MDGA2: variants seen among roughly 807,000 people sequenced by gnomAD.
MDGA2 encodes the protein MAM domain containing glycosylphosphatidylinositol anchor 2.
A neutral mutation model predicts 117.8 loss-of-function variants in MDGA2; 40 were observed. That is an observed-to-expected ratio of 0.34 (90% confidence interval 0.26 to 0.44). The LOEUF (loss-of-function observed/expected upper bound fraction) is 0.44, where lower values mean the gene tolerates loss of function less well. MDGA2 is among the 20% of genes least tolerant of loss of function. The pLI is 1.00. For missense variants in MDGA2, 1,123 were observed against 1,250.6 expected (o/e 0.90, Z 1.54); for synonymous variants, 452 against 439.0 (o/e 1.03, Z -0.37).
Position 46,884,534 on chromosome 14 carries a change from C to G in MDGA2, c.2239-2313G>C, listed in dbSNP as rs900551693. ...GTTAGTCCTAATTATACAGTCTTGA[C>G]TGCTACATTTCTGGAAATAAAAACT... On this transcript the variant is annotated intron_variant, in intron 10 of 16. Transcript: ENST00000399232. The surrounding 1 kb of genome is among the most constrained non-coding windows in gnomAD (Gnocchi z 4.1). Among the ~76,000 whole-genome samples the G allele has an allele frequency of 3.9e-5, 6 of 152,084 alleles. No homozygotes were observed. Among genetic ancestry groups the G allele is most frequent in the African/African-American group, 1.4e-4 (6 of 41,432 alleles).
intron 8 of MDGA2, among the ~76,000 whole-genome samples, chr14:47,023,181 G>T (rs182497189): frequency 8.3e-6 from 1 of 121,208 alleles, no homozygotes; most frequent in African/African-American, 3.2e-5. Context: ...AATTGCAACC[G>T]AAAGTATTCC....
chr14:47,139,973 A>T (rs138439871), intron 4 of MDGA2, among the ~76,000 whole-genome samples: 9 of 151,444 alleles, frequency 5.9e-5, no homozygotes, highest in African/African-American at 1.9e-4. Context: ...GTAAACAGGG[A>T]AAGAGTAACC....
intron 1 of MDGA2, among the ~76,000 whole-genome samples, chr14:47,640,549 T>C (rs1003269901): frequency 2.0e-5 from 3 of 152,130 alleles, no homozygotes; most frequent in African/African-American, 7.2e-5. Context: ...AGAATGCATA[T>C]AAATCAAATT....
At chr14:47,052,611 C>A (rs1382514607) in intron 7 of MDGA2, among the ~76,000 whole-genome samples, 1 of 151,742 alleles carries the variant, frequency 6.6e-6, no homozygotes, top group Admixed American at 6.6e-5. Flanking sequence ...ATATTTATGT[C>A]CCTCAAAATA....
chr14:47,151,862 A>G (rs1456022860), intron 3 of MDGA2, among the ~76,000 whole-genome samples: 4 of 151,902 alleles, frequency 2.6e-5, no homozygotes. Flanking sequence ...ATTCTTAAAA[A>G]CCAATATAAT....
intron 2 of MDGA2, among the ~76,000 whole-genome samples, chr14:47,273,287 T>G (rs2139709472): frequency 6.6e-6 from 1 of 152,280 alleles, no homozygotes; most frequent in East Asian, 1.9e-4. Flanking sequence ...CTGATATTAT[T>G]AATGAAGCCA....
Position 47,301,474 on chromosome 14 carries a change from G to A in MDGA2, c.357C>T (p.Tyr119=), listed in dbSNP as rs373150846. 285 of 1,551,784 alleles carry A rather than the reference G, an allele frequency of 1.8e-4. 1 individual carries two copies. In the African/African-American group the frequency reaches 2.8e-3, roughly 15 times the overall value. The change falls in exon 2 of 17, where the codon TAC becomes TAT. Residue 119 remains tyrosine, a synonymous_variant. Coordinates refer to ENST00000399232, the MANE Select transcript of MDGA2 (RefSeq NM_001113498.3). The stretch of plus-strand genomic sequence containing the variant: ...CAAGGGTTTCTCCTTCCCGGATAGT[G>A]TAGACCCTTTCGGAGTAGCGCTCCT... ...IEEERYSERV[Y]TIREGETLEL...
chr14:47,328,608 T>TGAAA (rs1890208875), intron 1 of MDGA2, among the ~76,000 whole-genome samples: 1 of 152,196 alleles, frequency 6.6e-6, no homozygotes, highest in East Asian at 1.9e-4. Flanking sequence ...TAAGTCTGTC[T>TGAAA]GAAAGAACTG....
intron 1 of MDGA2, among the ~76,000 whole-genome samples, chr14:47,651,711 A>G (rs1257339893): frequency 2.0e-5 from 3 of 152,144 alleles, no homozygotes; most frequent in African/African-American, 7.2e-5. Context: ...ACAAAATAGA[A>G]ACATGGAAGG....
chr14:46,878,351 A>C (rs886828705), intron 11 of MDGA2, among the ~76,000 whole-genome samples: 6 of 152,012 alleles, frequency 3.9e-5, no homozygotes, highest in Non-Finnish European at 8.8e-5. Flanking sequence ...GCATTGATGT[A>C]ATTCCCCAAG....
intron 16 of MDGA2, among the ~76,000 whole-genome samples, chr14:46,844,964 C>T (rs1880769110): frequency 6.6e-6 from 1 of 152,188 alleles, no homozygotes; most frequent in Non-Finnish European, 1.5e-5. Flanking sequence ...TCACTGCAAG[C>T]TCCGCCTCCC....
At chr14:46,851,574 T>C (rs1003812213) in intron 15 of MDGA2, among the ~76,000 whole-genome samples, 2 of 151,842 alleles carry the variant, frequency 1.3e-5, no homozygotes, top group Non-Finnish European at 2.9e-5. Flanking sequence ...AACAAAGGAC[T>C]GTCCAAGTAA....
At chr14:46,948,983 A>G (rs1376910501) in intron 9 of MDGA2, among the ~76,000 whole-genome samples, 1 of 152,106 alleles carries the variant, frequency 6.6e-6, no homozygotes, top group Non-Finnish European at 1.5e-5. Flanking sequence ...GGCAGAAAGT[A>G]GCTTACCTAT....
intron 1 of MDGA2, among the ~76,000 whole-genome samples, chr14:47,601,480 G>A (rs1896647197): frequency 6.6e-6 from 1 of 152,086 alleles, no homozygotes; most frequent in African/African-American, 2.4e-5. Context: ...TTTAAGGTAT[G>A]ACCCTTAAAC....
chr14:47,387,561 G>T (rs901639494), intron 1 of MDGA2, among the ~76,000 whole-genome samples: 3 of 152,078 alleles, frequency 2.0e-5, no homozygotes, highest in African/African-American at 4.8e-5. Flanking sequence ...AAGTAAAAAA[G>T]ATAAAAATTA....
intron 5 of MDGA2, among the ~76,000 whole-genome samples, chr14:47,108,744 C>G (rs1188908800): frequency 6.6e-6 from 1 of 152,132 alleles, no homozygotes; most frequent in Non-Finnish European, 1.5e-5. Flanking sequence ...GTTTGGTGCT[C>G]TCTTCACACG....
rs777418939 is a variant in MDGA2, at chr14:47,061,400, T to A, written c.1374A>T (p.Thr458=). 20 of 1,613,546 alleles carry A rather than the reference T, an allele frequency of 1.2e-5. No individual in the cohort carries two copies. Among genetic ancestry groups the A allele is most frequent in the Non-Finnish European group, 1.7e-5 (20 of 1,179,686 alleles). The part of the protein sequence containing the change: ...PLRSSERMVI[T]QTDPDVSPGT... ...CCGGAGAGACATCAGGATCAGTCTG[T>A]GTAATGACCATCCGCTCAGAACTTC... Residue 458 remains threonine, a synonymous_variant, in exon 7 of 17, where the codon ACA becomes ACT. Transcript: ENST00000399232.
rs539024560 is a variant in MDGA2 at position 47,562,880 on chromosome 14, G to A, written c.280+111637C>T. ...TGGGAGTTTAGTGCTATAAATGTCC[G>A]TCTTAACACTGCCTTAGCTGTGTCC... On this transcript the variant is annotated intron_variant, in intron 1 of 16. Coordinates refer to ENST00000399232, the MANE Select transcript of MDGA2 (RefSeq NM_001113498.3). Among the ~76,000 whole-genome samples the A allele has an allele frequency of 1.3e-4, 19 of 151,988 alleles. No homozygotes were observed. In the East Asian group the frequency reaches 2.1e-3, roughly 17 times the overall value.
At chr14:47,105,297 G>C (rs1280895782) in intron 5 of MDGA2, among the ~76,000 whole-genome samples, 2 of 151,694 alleles carry the variant, frequency 1.3e-5, no homozygotes, top group African/African-American at 4.8e-5. Context: ...TCTGCACCCT[G>C]ACCTCTTATC....
Sources: allele counts gnomAD v4.1 joint callset (sites outside exome capture counted in the v4.1 genomes callset), GRCh38; gene constraint gnomAD v4.1.1; non-coding constraint Gnocchi (gnomAD v3.1); transcripts MANE v1.5; gene names NCBI Gene and HGNC (gene_info 2026-07-23, HGNC 2026-07-21).